BBS9: variants seen among roughly 807,000 people sequenced by gnomAD.
BBS9 encodes protein PTHB1.
Under a neutral mutation model 117.7 loss-of-function variants are expected in BBS9, and 89 were observed. The ratio of observed to expected loss-of-function variants is 0.76; its 90% CI spans 0.64 to 0.90. BBS9 has a LOEUF of 0.90. Ranked by LOEUF, BBS9 falls within the 40% of genes least tolerant of loss-of-function variation. BBS9 has a pLI of 0.00. For synonymous variants in BBS9, 379 were observed against 370.9 expected, an observed-to-expected ratio of 1.02 and a Z score of -0.25; for missense variants, 982 against 1,042.2, an observed-to-expected ratio of 0.94 and a Z score of 0.80.
chr7:33,469,148 C>T (rs1406370319), intron 19 of BBS9, among the ~76,000 whole-genome samples: 1 of 143,966 alleles, frequency 6.9e-6, no homozygotes, highest in African/African-American at 2.4e-5. Context: ...GTATATTGGT[C>T]GAATCTGAGG....
intron 5 of BBS9, among the ~76,000 whole-genome samples, chr7:33,202,690 A>T (rs192464175): frequency 1.1e-4 from 16 of 152,048 alleles, no homozygotes; most frequent in African/African-American, 3.9e-4. Flanking sequence ...TCTCATGAGA[A>T]CTCACTCATT....
intron 21 of BBS9, among the ~76,000 whole-genome samples, chr7:33,583,173 C>G (rs1860285764): frequency 6.6e-6 from 1 of 152,104 alleles, no homozygotes; most frequent in Admixed American, 6.5e-5. Context: ...GCATTTAGCA[C>G]CATGCCTGAC....
intron 5 of BBS9, among the ~76,000 whole-genome samples, chr7:33,227,527 G>A (rs1791517993): frequency 6.6e-6 from 1 of 151,984 alleles, no homozygotes; most frequent in Non-Finnish European, 1.5e-5. Context: ...AAGTTCTTTA[G>A]TGGCAATTTC....
intron 9 of BBS9, among the ~76,000 whole-genome samples, chr7:33,298,665 ATT>A (rs1219535371): frequency 1.3e-5 from 2 of 152,178 alleles, no homozygotes; most frequent in Non-Finnish European, 2.9e-5. Flanking sequence ...TAGAAACATC[ATT>A]TAGTGCCCAT....
intron 1 of BBS9, among the ~76,000 whole-genome samples, chr7:33,139,618 A>G (rs1254623952): frequency 6.6e-6 from 1 of 151,208 alleles, no homozygotes; most frequent in East Asian, 2.2e-4. Flanking sequence ...TTGACAGAAA[A>G]ATCTCTTCTC....
intron 19 of BBS9, among the ~76,000 whole-genome samples, chr7:33,465,370 G>A (rs1840015556): frequency 6.6e-6 from 1 of 151,840 alleles, no homozygotes; most frequent in Admixed American, 6.6e-5. Flanking sequence ...GTTGTGGTGG[G>A]TGGGGCACTG....
intron 19 of BBS9, among the ~76,000 whole-genome samples, chr7:33,492,811 AGTGTGTGTGT>A (rs57870306): frequency 0.011 from 1,471 of 131,662 alleles, 24 homozygotes; most frequent in African/African-American, 0.039. Flanking sequence ...TATAGGAGTG[AGTGTGTGTGT>A]GTGTGTGTGT....
intron 16 of BBS9, 109 bp from the exon 17 acceptor site, chr7:33,367,658 A>G: frequency 3.6e-6 from 3 of 835,188 alleles, no homozygotes; most frequent in Non-Finnish European, 6.3e-6. Context: ...TGGAGTTTAT[A>G]CATGACTAGT....
chr7:33,416,454 A>G (rs1222451929), intron 19 of BBS9, among the ~76,000 whole-genome samples: 1 of 152,080 alleles, frequency 6.6e-6, no homozygotes, highest in East Asian at 1.9e-4. Context: ...AGAAAAATGA[A>G]CGGCAGGCTG....
In BBS9 at chr7:33,257,325, T is replaced by A; in HGVS notation, c.532T>A (p.Phe178Ile). 1 of 1,613,990 alleles carries A rather than the reference T, an allele frequency of 6.2e-7. No homozygotes were observed. Among genetic ancestry groups the A allele is most frequent in the Non-Finnish European group, 8.5e-7 (1 of 1,179,886 alleles). The change falls in exon 6 of 23, where the codon TTT (phenylalanine) becomes ATT (isoleucine). Residue 178 changes from phenylalanine to isoleucine, a missense_variant. Transcript: ENST00000242067. ...SYAFGRFLPG[F>I]LLPGPLAYSS... ...TGCTTTTGGAAGATTTCTCCCTGGC[T>A]TTCTTCTGCCTGGTCCTCTTGCCTA...
chr7:33,437,268 T>C (rs1835432269), intron 19 of BBS9, among the ~76,000 whole-genome samples: 3 of 152,222 alleles, frequency 2.0e-5, no homozygotes, highest in African/African-American at 4.8e-5. Context: ...AGTCAGAGCA[T>C]GGCTCACCCT....
chr7:33,485,734 T>C (rs760672649), intron 19 of BBS9, among the ~76,000 whole-genome samples: 91 of 152,214 alleles, frequency 6.0e-4, no homozygotes, highest in Admixed American at 1.2e-3. Context: ...GTAGGCCAAA[T>C]TATGACAAGA....
chr7:33,206,493 G>A (rs1347295147), intron 5 of BBS9, among the ~76,000 whole-genome samples: 2 of 151,846 alleles, frequency 1.3e-5, no homozygotes, highest in African/African-American at 4.8e-5. Flanking sequence ...CCTTTACCCA[G>A]GTTTGCCTAT....
At chr7:33,569,532 G>A (rs1349511402) in intron 21 of BBS9, among the ~76,000 whole-genome samples, 1 of 151,756 alleles carries the variant, frequency 6.6e-6, no homozygotes, top group Admixed American at 6.6e-5. Flanking sequence ...GAGGCGGGCA[G>A]ATCACGAGGT....
At chr7:33,419,892 G>C (rs1832597282) in intron 19 of BBS9, among the ~76,000 whole-genome samples, 1 of 151,972 alleles carries the variant, frequency 6.6e-6, no homozygotes, top group Non-Finnish European at 1.5e-5. Flanking sequence ...TCACATCAAA[G>C]AGAAAAAAGA....
chr7:33,302,585 G>A (rs1033722110), intron 9 of BBS9, among the ~76,000 whole-genome samples: 11 of 152,116 alleles, frequency 7.2e-5, no homozygotes, highest in Admixed American at 7.2e-4. Flanking sequence ...TTAGTTCACT[G>A]TAGATGTTTT....
chr7:33,273,233 CA>C, intron 8 of BBS9, 38 bp downstream of exon 8: 1 of 1,603,836 alleles, frequency 6.2e-7, no homozygotes, highest in Non-Finnish European at 8.5e-7. Context: ...TTCCATATGT[CA>C]AGGCTATGTG....
In BBS9 at chr7:33,255,560, C is replaced by A. The variant is rs1445137663; in HGVS notation, c.443-1676C>A. Among the ~76,000 whole-genome samples, 8 of 152,164 alleles carry A rather than the reference C, an allele frequency of 5.3e-5. No individual in the cohort carries two copies. In the East Asian group the frequency reaches 5.8e-4, roughly 11 times the overall value. ...TTATAAAAACGACAATTCTTAGAAC[C>A]ATAATTAAAATAAGAATTGATGCCC... is the stretch of plus-strand genomic sequence containing the variant. On this transcript the variant is annotated intron_variant, in intron 5 of 22. Coordinates refer to ENST00000242067, the MANE Select transcript of BBS9 (RefSeq NM_198428.3).
chr7:33,501,853 T>C (rs1168217689), intron 19 of BBS9, among the ~76,000 whole-genome samples: 1 of 152,188 alleles, frequency 6.6e-6, no homozygotes, highest in Non-Finnish European at 1.5e-5. Context: ...TCTACAACAG[T>C]GCCCAGCCTA....
Sources: allele counts gnomAD v4.1 joint callset (sites outside exome capture counted in the v4.1 genomes callset), GRCh38; gene constraint gnomAD v4.1.1; transcripts MANE v1.5; gene names NCBI Gene and HGNC (gene_info 2026-07-23, HGNC 2026-07-21).